Variants in ISM1 observed in about 807,000 individuals in gnomAD.
ISM1 encodes isthmin-1.
ISM1 carries 25 observed loss-of-function variants against 46.3 expected under a neutral mutation model. The observed-to-expected ratio is 0.54, with a 90% CI of 0.39 to 0.75. The LOEUF (loss-of-function observed/expected upper bound fraction) is 0.75, where lower values mean the gene tolerates loss of function less well. Ranked by LOEUF, ISM1 falls within the 30% of genes least tolerant of loss-of-function variation. The pLI is 0.00. For missense variants in ISM1, 536 were observed against 625.4 expected, an observed-to-expected ratio of 0.86 and a Z score of 1.52; for synonymous variants, 255 against 256.7, an observed-to-expected ratio of 0.99 and a Z score of 0.06.
chr20:13,313,659 T>C, the ISM1 span, among the ~76,000 whole-genome samples: 3 of 152,324 alleles, frequency 2.0e-5, no homozygotes, highest in African/African-American at 7.2e-5. Flanking sequence ...TTAACACACC[T>C]TACCACATCA....
the ISM1 span, among the ~76,000 whole-genome samples, chr20:13,320,411 T>G: frequency 3.0e-4 from 45 of 152,188 alleles, 1 homozygote; most frequent in East Asian, 8.7e-3. Flanking sequence ...TAGAGACAAA[T>G]GGTACCAAAG....
intron 1 of ISM1, among the ~76,000 whole-genome samples, chr20:13,223,166 ATAAAATAAAAT>A (rs1473595090): frequency 6.9e-6 from 1 of 144,216 alleles, no homozygotes; most frequent in African/African-American, 2.6e-5. Flanking sequence ...CAAAAAAAAA[ATAAAATAAAAT>A]AAAATAAAAT....
intron 1 of ISM1, among the ~76,000 whole-genome samples, chr20:13,245,894 C>T (rs1041818188): frequency 2.0e-5 from 3 of 152,196 alleles, no homozygotes; most frequent in Non-Finnish European, 2.9e-5. Flanking sequence ...CCAAATTAGA[C>T]TCTCACTATT....
chr20:13,273,770 T>A (rs985813252), intron 2 of ISM1, among the ~76,000 whole-genome samples: 7 of 152,038 alleles, frequency 4.6e-5, no homozygotes, highest in Non-Finnish European at 1.0e-4. Context: ...TCAAAAAGAG[T>A]AAGCCAACAA....
At chr20:13,309,850 T>A in the ISM1 span, among the ~76,000 whole-genome samples, 149 of 138,944 alleles carry the variant, frequency 1.1e-3, no homozygotes, top group African/African-American at 4.5e-3. Context: ...TACAACAGCA[T>A]CAAAAAAAAC....
chr20:13,291,061 C>T (rs963826533), intron 4 of ISM1, among the ~76,000 whole-genome samples: 1 of 152,218 alleles, frequency 6.6e-6, no homozygotes, highest in Non-Finnish European at 1.5e-5. Context: ...CTGTTGTTTT[C>T]TCTTCCAGAG....
the ISM1 span, among the ~76,000 whole-genome samples, chr20:13,321,253 TA>T: frequency 0.35 from 20,211 of 57,168 alleles, 1,750 homozygotes; most frequent in East Asian, 0.59. Context: ...GTGCCCCACA[TA>T]AAAAAAAAAA....
At chr20:13,263,962 G>GT (rs1197741571) in intron 1 of ISM1, among the ~76,000 whole-genome samples, 2 of 150,188 alleles carry the variant, frequency 1.3e-5, no homozygotes, top group African/African-American at 4.9e-5. Context: ...GATTCCTAGG[G>GT]TTTTTTTGTT....
the ISM1 span, among the ~76,000 whole-genome samples, chr20:13,306,850 C>T: frequency 2.2e-4 from 34 of 152,222 alleles, no homozygotes; most frequent in South Asian, 1.2e-3. Flanking sequence ...CAAGAAAGAA[C>T]GAGGTGTCCC....
rs1416042948 is a variant in ISM1 at position 13,298,964 on chromosome 20, G to A, written c.900G>A (p.Trp300Ter). 1.2e-6 allele frequency: 2 copies of A among 1,613,596 alleles called. No homozygotes were observed. The highest frequency in any genetic ancestry group is 1.7e-5 in the Admixed American group (1 of 59,962). ...FEVDTDSCER[W>*]MSCKSEFLKK... ...CAGACACAGACAGCTGTGAGCGCTG[G>A]ATGAGCTGCAAAAGCGAGTTCTTAA... Residue 300 changes from tryptophan to a stop codon, truncating the protein, a stop_gained, in exon 6 of 6, where the codon TGG becomes TGA. Coordinates refer to ENST00000262487, the MANE Select transcript of ISM1 (RefSeq NM_080826.2). LOFTEE classifies it high-confidence loss of function.
chr20:13,239,955 G>T (rs929362806), intron 1 of ISM1, among the ~76,000 whole-genome samples: 1 of 152,198 alleles, frequency 6.6e-6, no homozygotes, highest in African/African-American at 2.4e-5. Context: ...TAGAGTAAGT[G>T]TACATCTAAA....
chr20:13,326,620 G>C, the ISM1 span, among the ~76,000 whole-genome samples: 6 of 152,098 alleles, frequency 3.9e-5, no homozygotes, highest in African/African-American at 1.4e-4. Context: ...ATGATGTTGA[G>C]CATTTTTCAT....
chr20:13,239,677 T>G (rs1005419255), intron 1 of ISM1: 1 of 152,194 alleles, frequency 6.6e-6, no homozygotes, highest in Non-Finnish European at 1.5e-5. Context: ...CACTCCATGG[T>G]GAGGCACTCT....
At chr20:13,255,158 A>G (rs531508117) in intron 1 of ISM1, among the ~76,000 whole-genome samples, 2 of 152,226 alleles carry the variant, frequency 1.3e-5, no homozygotes, top group Non-Finnish European at 2.9e-5. Context: ...CTGGTTATAT[A>G]AGATGATCAG....
At chr20:13,231,359 C>T (rs2039586038) in intron 1 of ISM1, among the ~76,000 whole-genome samples, 1 of 152,214 alleles carries the variant, frequency 6.6e-6, no homozygotes, top group Non-Finnish European at 1.5e-5. Flanking sequence ...TCCAAAATTA[C>T]AGAGATGGGC....
At chr20:13,311,243 T>TAGATAGATAGATAGATAGATAGATGATA in the ISM1 span, among the ~76,000 whole-genome samples, 798 of 127,704 alleles carry the variant, frequency 6.2e-3, 4 homozygotes, top group African/African-American at 6.6e-3. Context: ...GATAGATAGA[T>TAGATAGATAGATAGATAGATAGATGATA]GATAGATAGA....
At chr20:13,250,186 C>T (rs2039851799) in intron 1 of ISM1, among the ~76,000 whole-genome samples, 1 of 152,120 alleles carries the variant, frequency 6.6e-6, no homozygotes, top group South Asian at 2.1e-4. Flanking sequence ...AGCCAGGAGG[C>T]TTAGGATTTC....
At chr20:13,324,875 C>A in the ISM1 span, among the ~76,000 whole-genome samples, 3 of 151,952 alleles carry the variant, frequency 2.0e-5, no homozygotes, top group East Asian at 5.8e-4. Context: ...AAAATTAAAC[C>A]CCAGGAAGGC....
chr20:13,269,916 G>T (rs867490755), intron 1 of ISM1, among the ~76,000 whole-genome samples: 2 of 151,968 alleles, frequency 1.3e-5, no homozygotes, highest in South Asian at 2.1e-4. Flanking sequence ...TGATTGGATG[G>T]ATGGGTGTGT....
Sources: allele counts gnomAD v4.1 joint callset (sites outside exome capture counted in the v4.1 genomes callset), GRCh38; gene constraint gnomAD v4.1.1; transcripts MANE v1.5; gene names NCBI Gene and HGNC (gene_info 2026-07-23, HGNC 2026-07-21).